Variants in SLC5A4 observed in about 807,000 individuals in gnomAD.
SLC5A4 encodes solute carrier family 5 member 4, also known as probable glucose sensor protein SLC5A4.
Under a neutral mutation model 70.3 loss-of-function variants are expected in SLC5A4, and 55 were observed. The ratio of observed to expected loss-of-function variants is 0.78; its 90% CI spans 0.63 to 0.98. SLC5A4 has a LOEUF of 0.98. Among genes scored for constraint, SLC5A4 ranks in the 50% least tolerant of loss-of-function variants. SLC5A4 has a pLI of 0.00. For missense variants in SLC5A4, 735 were observed against 839.2 expected (o/e 0.88, Z 1.53); for synonymous variants, 268 against 305.7 (o/e 0.88, Z 1.29).
At chr22:32,336,899 C>CA in the SLC5A4 span, among the ~76,000 whole-genome samples, 5 of 152,210 alleles carry the variant, frequency 3.3e-5, no homozygotes, top group Non-Finnish European at 7.3e-5. Context: ...GGCCTACGGC[C>CA]AGCCTTCAAT....
intron 7 of SLC5A4, 103 bp downstream of exon 7, chr22:32,237,141 C>CAGAT (rs1453163675): frequency 1.3e-6 from 1 of 770,974 alleles, no homozygotes; most frequent in Non-Finnish European, 2.3e-6. Flanking sequence ...AAAGTGTGAC[C>CAGAT]AGATGGAACT....
intron 1 of SLC5A4, among the ~76,000 whole-genome samples, chr22:32,254,735 C>T (rs1236754829): frequency 6.6e-6 from 1 of 151,544 alleles, no homozygotes; most frequent in Non-Finnish European, 1.5e-5. Context: ...ACCCAGGAGG[C>T]GGAGCTTGCA....
chr22:32,259,004 G>T (rs1927620861), upstream of SLC5A4, among the ~76,000 whole-genome samples: 1 of 152,192 alleles, frequency 6.6e-6, no homozygotes, highest in South Asian at 2.1e-4. Context: ...CCACTTATAT[G>T]AGGTACCCCA....
the SLC5A4 span, among the ~76,000 whole-genome samples, chr22:32,350,211 C>T: frequency 5.3e-5 from 8 of 152,190 alleles, no homozygotes; most frequent in Non-Finnish European, 1.0e-4. Flanking sequence ...AAGACAAAGA[C>T]TACCGAAATA....
the SLC5A4 span, among the ~76,000 whole-genome samples, chr22:32,342,307 A>T: frequency 3.3e-5 from 5 of 152,218 alleles, no homozygotes; most frequent in Admixed American, 1.3e-4. Flanking sequence ...ACCAAGTAAC[A>T]TTGTAGAAGC....
At position 32,218,574 on chromosome 22, in the gene SLC5A4, C is replaced by A. The variant is rs369482455; in HGVS notation, c.1920G>T (p.Val640=). The A allele has an allele frequency of 6.2e-7, 1 of 1,613,812 alleles. No homozygotes were observed. The highest frequency in any genetic ancestry group is 1.3e-5 in the African/African-American group (1 of 74,840). Residue 640 remains valine, a synonymous_variant, in exon 15 of 15, where the codon GTG becomes GTT. Transcript: ENST00000266086. ...CCAGGAGGAGGATGGCGTTGATGTT[C>A]ACTATTGTCCTCCACGAGGGCCTCT... ...TSERPSWRTI[V]NINAILLLAV...
the SLC5A4 span, among the ~76,000 whole-genome samples, chr22:32,260,995 C>A: frequency 6.6e-6 from 1 of 152,018 alleles, no homozygotes; most frequent in African/African-American, 2.4e-5. Context: ...ATCGTTTGAA[C>A]CCAGGAGGCG....
intron 7 of SLC5A4, among the ~76,000 whole-genome samples, chr22:32,236,705 ATTTTT>A (rs551794690): frequency 7.0e-6 from 1 of 142,886 alleles, no homozygotes; most frequent in Non-Finnish European, 1.5e-5. Flanking sequence ...CTAAGCAGTA[ATTTTT>A]TTTTTTTTTT....
chr22:32,272,104 C>G, the SLC5A4 span: 2 of 661,488 alleles, frequency 3.0e-6, no homozygotes, highest in African/African-American at 1.8e-5. Flanking sequence ...GTGACCAGCA[C>G]GAAGACAGTG....
At chr22:32,325,596 G>A in the SLC5A4 span, among the ~76,000 whole-genome samples, 2 of 152,236 alleles carry the variant, frequency 1.3e-5, no homozygotes, top group African/African-American at 4.8e-5. Context: ...CTGATCCCGA[G>A]GCTGTGGGGA....
chr22:32,316,678 C>T, the SLC5A4 span, among the ~76,000 whole-genome samples: 8 of 149,434 alleles, frequency 5.4e-5, no homozygotes, highest in Admixed American at 1.3e-4. Flanking sequence ...AACAGGTGCT[C>T]GCCACCATGC....
chr22:32,254,440 A>G (rs1215952028), intron 1 of SLC5A4, among the ~76,000 whole-genome samples: 2 of 152,232 alleles, frequency 1.3e-5, no homozygotes, highest in African/African-American at 4.8e-5. Context: ...CTTAACTTCT[A>G]TCTTAACTGC....
At chr22:32,254,056 C>T (rs1418385362) in intron 2 of SLC5A4, 86 bp downstream of exon 2, 21 of 1,047,716 alleles carry the variant, frequency 2.0e-5, no homozygotes, top group Non-Finnish European at 3.0e-5. Flanking sequence ...GCTGGGATTA[C>T]AGGCGTGAGA....
chr22:32,284,699 G>A, the SLC5A4 span: 1 of 152,318 alleles, frequency 6.6e-6, no homozygotes, highest in East Asian at 1.9e-4. Flanking sequence ...CAGATTCACG[G>A]GGAGGAGATA....
chr22:32,305,010 C>T, the SLC5A4 span, among the ~76,000 whole-genome samples: 3 of 152,156 alleles, frequency 2.0e-5, no homozygotes, highest in Non-Finnish European at 2.9e-5. Flanking sequence ...TGCTTTTGCT[C>T]CTCTGTCAAA....
chr22:32,301,172 A>C, the SLC5A4 span, among the ~76,000 whole-genome samples: 888 of 152,298 alleles, frequency 5.8e-3, 5 homozygotes, highest in Non-Finnish European at 9.2e-3. Flanking sequence ...CATCTTGACC[A>C]GTCTGATCTT....
At chr22:32,251,640 A>G in intron 3 of SLC5A4, 130 bp downstream of exon 3, 2 of 667,938 alleles carry the variant, frequency 3.0e-6, no homozygotes, top group Non-Finnish European at 5.3e-6. Context: ...CAGCCTTCAG[A>G]GCTGTCAGAG....
chr22:32,305,303 C>T, the SLC5A4 span, among the ~76,000 whole-genome samples: 17 of 150,224 alleles, frequency 1.1e-4, 1 homozygote, highest in Non-Finnish European at 2.1e-4. Flanking sequence ...TGACTGCTCC[C>T]GGGCTTGTAG....
At chr22:32,229,381 C>G in intron 10 of SLC5A4, 37 bp from the exon 11 acceptor site, 5 of 1,603,516 alleles carry the variant, frequency 3.1e-6, no homozygotes, top group Non-Finnish European at 4.3e-6. Flanking sequence ...TGGTTAGTGG[C>G]TGGACACTGC....
Sources: gnomAD v4.1 joint callset for allele counts (sites outside exome capture counted in the v4.1 genomes callset) on GRCh38, gnomAD v4.1.1 for gene constraint, MANE v1.5 for transcripts, NCBI Gene and HGNC (gene_info 2026-07-23, HGNC 2026-07-21) for gene names.